NR5A2: variants seen among roughly 807,000 people sequenced by gnomAD.
NR5A2 encodes the protein nuclear receptor subfamily 5 group A member 2.
Under a neutral mutation model 62.7 loss-of-function variants are expected in NR5A2, and 26 were observed. The observed-to-expected ratio is 0.41, with a 90% CI of 0.30 to 0.58. The LOEUF (loss-of-function observed/expected upper bound fraction) is 0.58. Among genes scored for constraint, NR5A2 ranks in the 20% least tolerant of loss-of-function variants. The pLI, the probability that NR5A2 is intolerant of heterozygous loss-of-function variation, is 0.22. For missense variants in NR5A2, 541 were observed against 669.1 expected (o/e 0.81, Z 2.11); for synonymous variants, 246 against 241.7 (o/e 1.02, Z -0.16).
At chr1:200,066,336 G>A (rs1167009288) in intron 5 of NR5A2, among the ~76,000 whole-genome samples, 1 of 152,098 alleles carries the variant, frequency 6.6e-6, no homozygotes, top group Non-Finnish European at 1.5e-5. Flanking sequence ...GCCATTTGTG[G>A]AGAAGGGGAA....
At chr1:200,082,083 C>T (rs867569033) in intron 5 of NR5A2, among the ~76,000 whole-genome samples, 1 of 152,090 alleles carries the variant, frequency 6.6e-6, no homozygotes, top group Admixed American at 6.6e-5. Context: ...GCTACAACCC[C>T]GTCCTCCCCT....
chr1:200,030,088 G>C (rs574552214), intron 1 of NR5A2, among the ~76,000 whole-genome samples: 1 of 152,140 alleles, frequency 6.6e-6, no homozygotes, highest in Non-Finnish European at 1.5e-5. Flanking sequence ...ATTGCCCAGG[G>C]TAGCCCCACT....
At chr1:200,149,940 A>G (rs1571560623) in intron 7 of NR5A2, among the ~76,000 whole-genome samples, 1 of 152,204 alleles carries the variant, frequency 6.6e-6, no homozygotes, top group South Asian at 2.1e-4. Flanking sequence ...AGTTACCTCC[A>G]TGCAGTAATG....
chr1:200,095,924 G>A (rs1209655684), intron 5 of NR5A2, among the ~76,000 whole-genome samples: 1 of 152,104 alleles, frequency 6.6e-6, no homozygotes, highest in African/African-American at 2.4e-5. Flanking sequence ...AATAGGAAAA[G>A]TACTACTAGA....
chr1:200,060,991 C>T (rs1358118037), intron 5 of NR5A2, among the ~76,000 whole-genome samples: 1 of 149,492 alleles, frequency 6.7e-6, no homozygotes, highest in African/African-American at 2.5e-5. Context: ...ATGGCAGCGG[C>T]CACCTGTAAT....
At chr1:200,074,786 T>TA in intron 5 of NR5A2, among the ~76,000 whole-genome samples, 1 of 101,362 alleles carries the variant, frequency 9.9e-6, no homozygotes, top group East Asian at 3.2e-4. Context: ...TCAAACACTT[T>TA]AATTTTTTTT....
chr1:200,113,494 C>T (rs989010650), intron 6 of NR5A2, among the ~76,000 whole-genome samples: 5 of 152,230 alleles, frequency 3.3e-5, no homozygotes, highest in African/African-American at 1.2e-4. Flanking sequence ...AGCAAAAGTG[C>T]TGCAAAGGAA....
chr1:200,047,626 G>A (rs544842480), intron 4 of NR5A2, among the ~76,000 whole-genome samples: 1 of 149,038 alleles, frequency 6.7e-6, no homozygotes, highest in Non-Finnish European at 1.5e-5. Flanking sequence ...GCCCAGGCTG[G>A]AGTGCAGTGG....
intron 7 of NR5A2, among the ~76,000 whole-genome samples, chr1:200,168,510 T>C (rs149294586): frequency 1.8e-3 from 277 of 152,338 alleles, no homozygotes; most frequent in African/African-American, 6.4e-3. Context: ...TTATTATTAA[T>C]TTGCCTATGA....
At chr1:200,165,262 C>G (rs918764683) in intron 7 of NR5A2, among the ~76,000 whole-genome samples, 14 of 151,126 alleles carry the variant, frequency 9.3e-5, no homozygotes, top group Admixed American at 4.6e-4. Flanking sequence ...TGTCAGCATT[C>G]CCCTACCAGC....
At chr1:200,088,555 C>G (rs1477290977) in intron 5 of NR5A2, among the ~76,000 whole-genome samples, 1 of 151,046 alleles carries the variant, frequency 6.6e-6, no homozygotes, top group African/African-American at 2.4e-5. Context: ...CCATGCCTGA[C>G]CGCCCAGCCC....
chr1:200,040,041 A>G (rs1571699294), intron 2 of NR5A2, among the ~76,000 whole-genome samples: 1 of 152,206 alleles, frequency 6.6e-6, no homozygotes, highest in Admixed American at 6.5e-5. Context: ...AGAGGCTTCC[A>G]GCTCTATGGC....
At chr1:200,088,535 G>A (rs1477147592) in intron 5 of NR5A2, among the ~76,000 whole-genome samples, 1 of 151,550 alleles carries the variant, frequency 6.6e-6, no homozygotes, top group African/African-American at 2.4e-5. Flanking sequence ...GGGATTACAG[G>A]CGTGAGCCAC....
chr1:200,038,517 C>T (rs1661888117), intron 1 of NR5A2, among the ~76,000 whole-genome samples: 1 of 152,216 alleles, frequency 6.6e-6, no homozygotes, highest in African/African-American at 2.4e-5. Flanking sequence ...GTCTCAGTGC[C>T]CTGGGGAGTT....
At position 200,039,604 on chromosome 1, in the gene NR5A2, C is replaced by T; in HGVS notation, c.65-54C>T. On this transcript the variant is annotated intron_variant, in intron 1 of 7. Coordinates refer to ENST00000367362, the MANE Select transcript of NR5A2 (RefSeq NM_205860.3). This position sits in a 1 kb window ranked among gnomAD's most constrained non-coding sequence, Gnocchi z 5.1. ...GAGAGGGTTGGGTTAGCAGGCATCC[C>T]GGTCGCCCCTTCCTTCTTTTCGCCG... 1.9e-6 allele frequency: 3 copies of T among 1,606,670 alleles called. No homozygotes were observed. Among genetic ancestry groups the T allele is most frequent in the Non-Finnish European group, 8.5e-7 (1 of 1,177,020 alleles).
chr1:200,069,064 C>T (rs1439334109), intron 5 of NR5A2, among the ~76,000 whole-genome samples: 1 of 152,138 alleles, frequency 6.6e-6, no homozygotes, highest in Non-Finnish European at 1.5e-5. Context: ...ATTAGACACT[C>T]TGTGGTTATT....
At position 200,172,652 on chromosome 1, in the gene NR5A2, G is replaced by A. The variant is rs959784327; in HGVS notation, c.1379-1311G>A. Among the ~76,000 whole-genome samples, 6 of 152,158 alleles carry A rather than the reference G, an allele frequency of 3.9e-5. No homozygotes were observed. In the East Asian group the frequency reaches 5.8e-4, roughly 15 times the overall value. Reference sequence around the variant, plus strand: ...TGGCCCAAATGTAAACACTGAAATCGTCCTGAACACACTTCAACAGCGAAT... The same window carrying A: ...TGGCCCAAATGTAAACACTGAAATCATCCTGAACACACTTCAACAGCGAAT... On this transcript the variant is annotated intron_variant, in intron 7 of 7. Coordinates refer to ENST00000367362, the MANE Select transcript of NR5A2 (RefSeq NM_205860.3).
chr1:200,143,614 A>G (rs1289055021), intron 7 of NR5A2, among the ~76,000 whole-genome samples: 3 of 145,856 alleles, frequency 2.1e-5, no homozygotes, highest in African/African-American at 7.6e-5. Context: ...GCTACTGTTC[A>G]CTGGACTCCA....
At chr1:200,062,894 G>T (rs1663289555) in intron 5 of NR5A2, among the ~76,000 whole-genome samples, 1 of 152,144 alleles carries the variant, frequency 6.6e-6, no homozygotes, top group Non-Finnish European at 1.5e-5. Context: ...AAAAAATTAT[G>T]GATCTGTTTG....
Sources: allele counts gnomAD v4.1 joint callset (sites outside exome capture counted in the v4.1 genomes callset), GRCh38; gene constraint gnomAD v4.1.1; non-coding constraint Gnocchi (gnomAD v3.1); transcripts MANE v1.5; gene names NCBI Gene and HGNC (gene_info 2026-07-23, HGNC 2026-07-21).